The following MRPL44 variants were observed in gnomAD, a reference collection of about 807,000 sequenced individuals.
MRPL44 encodes the protein mitochondrial ribosomal protein L44.
MRPL44 carries 21 observed loss-of-function variants against 25.9 expected under a neutral mutation model. The observed-to-expected ratio is 0.81, with a 90% CI of 0.58 to 1.17. The LOEUF (loss-of-function observed/expected upper bound fraction) is 1.17, where lower values mean the gene tolerates loss of function less well. MRPL44 is among the 50% of genes most tolerant of loss of function. The probability of loss-of-function intolerance (pLI) is 0.00; values close to 1 mark genes in which losing one functional copy is unlikely to be tolerated. For synonymous variants in MRPL44, 169 were observed against 151.0 expected (o/e 1.12, Z -0.87); for missense variants, 410 against 398.9 (o/e 1.03, Z -0.24).
the MRPL44 span, among the ~76,000 whole-genome samples, chr2:223,951,478 G>GTTTTTTTTTTTGTTTTTT: frequency 1.8e-5 from 2 of 112,560 alleles, no homozygotes; most frequent in African/African-American, 6.8e-5. Context: ...TTACCTTGGA[G>GTTTTTTTTTTTGTTTTTT]TTTTTTTTTT....
Position 223,959,927 on chromosome 2 carries a change from A to G in MRPL44, c.573A>G (p.Leu191=). ...AATTCCCAGTGCCCCCAGCTGTGTT[A>G]CAGCAGACTTTCTTTGCAGTTATTG... ...SEEFPVPPAV[L]QQTFFAVIGA... is the part of the protein sequence containing the mutation. Residue 191 remains leucine, a synonymous_variant, in exon 2 of 4, where the codon TTA becomes TTG. Coordinates refer to ENST00000258383, the MANE Select transcript of MRPL44 (RefSeq NM_022915.5). 1 of 1,614,250 alleles carries G rather than the reference A, an allele frequency of 6.2e-7. No individual in the cohort carries two copies. Among genetic ancestry groups the G allele is most frequent in the Non-Finnish European group, 8.5e-7 (1 of 1,180,046 alleles).
At chr2:223,962,044 GT>G (rs555292752) in intron 2 of MRPL44, among the ~76,000 whole-genome samples, 1 of 151,512 alleles carries the variant, frequency 6.6e-6, no homozygotes, top group Non-Finnish European at 1.5e-5. Flanking sequence ...GTGGATGTAA[GT>G]TTTTTTTTCG....
Position 223,966,974 on chromosome 2 carries a change from G to T in MRPL44, c.939G>T (p.Pro313=). 1.9e-6 allele frequency: 3 copies of T among 1,614,056 alleles called. No individual in the cohort carries two copies. The highest frequency in any genetic ancestry group is 2.5e-6 in the Non-Finnish European group (3 of 1,179,956). Residue 313 remains proline, a synonymous_variant, in exon 4 of 4, where the codon CCG becomes CCT. Transcript: ENST00000258383. ...ATGGATTCACAGAAAATAGACGGCC[G>T]TGGAACTATTCCAAGCCCAAAGAAA... ...KLYGFTENRR[P]WNYSKPKETL...
chr2:223,953,134 CTTT>C (rs529578122), upstream of MRPL44, among the ~76,000 whole-genome samples: 2 of 139,500 alleles, frequency 1.4e-5, no homozygotes, highest in Admixed American at 7.2e-5. Flanking sequence ...TATCCAGATT[CTTT>C]TTTTTTTTTT....
chr2:223,964,605 CAGTG>C (rs1411611456), intron 3 of MRPL44, among the ~76,000 whole-genome samples: 9 of 152,114 alleles, frequency 5.9e-5, no homozygotes, highest in Non-Finnish European at 1.2e-4. Flanking sequence ...AATGCAAAAA[CAGTG>C]AGATACTCTT....
chr2:223,957,073 A>C (rs3806487), upstream of MRPL44, among the ~76,000 whole-genome samples: 2 of 152,124 alleles, frequency 1.3e-5, no homozygotes, highest in Admixed American at 6.5e-5. Flanking sequence ...AATATAAATT[A>C]AAAATGTTTT....
In MRPL44 at chr2:223,966,991, C is replaced by T. The variant is rs758010228; in HGVS notation, c.956C>T (p.Pro319Leu). 4 of 1,613,574 alleles carry T rather than the reference C, an allele frequency of 2.5e-6. No homozygotes were observed. The highest frequency in any genetic ancestry group is 3.4e-6 in the Non-Finnish European group (4 of 1,179,714). The change falls in exon 4 of 4, where the codon CCC (proline) becomes CTC (leucine). Residue 319 changes from proline (P) to leucine (L), a missense_variant. Transcript: ENST00000258383. ...AGACGGCCGTGGAACTATTCCAAGCCCAAAGAAACCTTGAGAGCAGAAAAG... is the reference window on the plus strand; with the variant it reads ...AGACGGCCGTGGAACTATTCCAAGCTCAAAGAAACCTTGAGAGCAGAAAAG... ...ENRRPWNYSKPKETLRAEKSI... is the reference protein window; with the variant it reads ...ENRRPWNYSKLKETLRAEKSI...
chr2:223,965,079 A>G (rs1689721682), intron 3 of MRPL44, among the ~76,000 whole-genome samples: 1 of 151,970 alleles, frequency 6.6e-6, no homozygotes, highest in African/African-American at 2.4e-5. Flanking sequence ...TTGCCATATC[A>G]CTACAGTGAT....
chr2:223,953,309 A>G (rs951013804), upstream of MRPL44, among the ~76,000 whole-genome samples: 4 of 151,846 alleles, frequency 2.6e-5, no homozygotes, highest in Non-Finnish European at 5.9e-5. Context: ...TAATTTTTGT[A>G]TTTTTAGTAG....
intron 3 of MRPL44, among the ~76,000 whole-genome samples, chr2:223,964,902 A>G (rs917986783): frequency 1.2e-4 from 18 of 152,322 alleles, no homozygotes; most frequent in African/African-American, 4.1e-4. Flanking sequence ...TTGTTGAACT[A>G]AAAAACAATT....
In MRPL44 at chr2:223,957,581, G is replaced by C; in HGVS notation, c.109G>C (p.Ala37Pro). The change falls in exon 1 of 4, where the codon GCC becomes CCC. Residue 37 changes from alanine (A) to proline (P), a missense_variant. Ala to Pro is a conservative substitution (Grantham distance 27). Coordinates refer to ENST00000258383, the MANE Select transcript of MRPL44 (RefSeq NM_022915.5). ...PVRGVKKGFR[A>P]AFRFQKELER... ...TCGGGGAGTGAAGAAGGGATTCCGC[G>C]CCGCCTTCCGCTTCCAGAAGGAGTT... 2 of 1,613,642 alleles carry C rather than the reference G, an allele frequency of 1.2e-6. No individual in the cohort carries two copies. Among genetic ancestry groups the C allele is most frequent in the Middle Eastern group, 3.3e-4 (2 of 6,062 alleles).
Position 223,957,561 on chromosome 2 carries a change from G to GA in MRPL44, c.90dup (p.Val31SerfsTer64). The GA allele has an allele frequency of 6.2e-7, 1 of 1,613,978 alleles. No individual in the cohort carries two copies. The highest frequency in any genetic ancestry group is 8.5e-7 in the Non-Finnish European group (1 of 1,180,020). ...CCCAAGCTGGTCCCTCCGGTTCGGGGAGTGAAGAAGGGATTCCGCGCCGCC... is the reference window on the plus strand; with the variant it reads ...CCCAAGCTGGTCCCTCCGGTTCGGGGAAGTGAAGAAGGGATTCCGCGCCGCC... On this transcript the variant is annotated frameshift_variant, in exon 1 of 4. Transcript: ENST00000258383. LOFTEE classifies it high-confidence loss of function.
At chr2:223,954,590 C>A (rs1298849190), upstream of MRPL44, among the ~76,000 whole-genome samples, 1 of 152,178 alleles carries the variant, frequency 6.6e-6, no homozygotes, top group African/African-American at 2.4e-5. Context: ...TGGCTGTTAG[C>A]GGGAGGCCTC....
At chr2:223,955,360 T>A (rs1689548708), upstream of MRPL44, among the ~76,000 whole-genome samples, 1 of 152,234 alleles carries the variant, frequency 6.6e-6, no homozygotes, top group South Asian at 2.1e-4. Context: ...GTCTGTAATT[T>A]TCCTTGTGAG....
chr2:223,963,300 G>A (rs1048390367), intron 2 of MRPL44, among the ~76,000 whole-genome samples: 8 of 152,072 alleles, frequency 5.3e-5, no homozygotes, highest in Admixed American at 4.6e-4. Flanking sequence ...AAAGCTAGCC[G>A]AGTATGGTGG....
rs1689632411 is a variant in MRPL44, at chr2:223,959,976, C to T, written c.622C>T (p.Pro208Ser). 6.2e-7 allele frequency: 1 copy of T among 1,613,230 alleles called. No homozygotes were observed. Among genetic ancestry groups the T allele is most frequent in the Non-Finnish European group, 8.5e-7 (1 of 1,179,658 alleles). Residue 208 changes from proline to serine, a missense_variant, in exon 2 of 4, where the codon CCT (proline) becomes TCT (serine). Physicochemically the swap from Pro to Ser is moderately conservative, Grantham distance 74. Transcript: ENST00000258383. ...TGGAGCCCTGTTACAGAGCAGTGGACCTGAGAGGACTGCACTTTTCATCAG... is the reference window on the plus strand; with the variant it reads ...TGGAGCCCTGTTACAGAGCAGTGGATCTGAGAGGACTGCACTTTTCATCAG... ...VIGALLQSSGPERTALFIRDF... is the reference protein window; with the variant it reads ...VIGALLQSSGSERTALFIRDF...
chr2:223,955,341 A>T (rs1689548510), upstream of MRPL44, among the ~76,000 whole-genome samples: 1 of 152,196 alleles, frequency 6.6e-6, no homozygotes, highest in Admixed American at 6.5e-5. Flanking sequence ...TTCTATGGTA[A>T]TTATTTCTGT....
Position 223,967,232 on chromosome 2 carries a change from A to T in MRPL44, c.*198A>T, listed in dbSNP as rs1466667515. 6 of 570,238 alleles carry T rather than the reference A, an allele frequency of 1.1e-5. No individual in the cohort carries two copies. In the Admixed American group the frequency reaches 1.4e-4, roughly 13 times the overall value. 35.3% of individuals were successfully genotyped at this position (570,238 alleles called of 1,614,324 possible). ...TTTTCTGAAATCTTGGTTTGATCAA[A>T]TCTTTTTTTTTTTCTCTTGAGATGG... On this transcript the variant is annotated 3_prime_UTR_variant, in exon 4 of 4. Coordinates refer to ENST00000258383, the MANE Select transcript of MRPL44 (RefSeq NM_022915.5).
chr2:223,962,970 G>A lies in MRPL44; in HGVS notation c.649-786G>A, dbSNP rs190741240. ...GCCTGCCTTGGCCTCCCAAAGTGCC[G>A]GGATTACAGGTGTGAGCCACCTCAC... On this transcript the variant is annotated intron_variant, in intron 2 of 3. Transcript: ENST00000258383. Among the ~76,000 whole-genome samples the A allele has an allele frequency of 2.1e-3, 326 of 152,270 alleles. 3 individuals are homozygous for A. Among genetic ancestry groups the A allele is most frequent in the African/African-American group, 7.6e-3 (317 of 41,550 alleles).
Sources: gnomAD v4.1 joint callset for allele counts (sites outside exome capture counted in the v4.1 genomes callset) on GRCh38, gnomAD v4.1.1 for gene constraint, MANE v1.5 for transcripts, NCBI Gene and HGNC (gene_info 2026-07-23, HGNC 2026-07-21) for gene names.